The following MRPL48 variants were observed in gnomAD, a reference collection of about 807,000 sequenced individuals.
MRPL48 encodes mitochondrial ribosomal protein L48.
A neutral mutation model predicts 32.9 loss-of-function variants in MRPL48; 16 were observed. The ratio of observed to expected loss-of-function variants is 0.49; its 90% CI spans 0.33 to 0.74. The LOEUF is 0.74. MRPL48 is among the 30% of genes least tolerant of loss of function. The pLI is 0.02. For missense variants in MRPL48, 206 were observed against 245.3 expected, an observed-to-expected ratio of 0.84 and a Z score of 1.07; for synonymous variants, 94 against 89.2, an observed-to-expected ratio of 1.05 and a Z score of -0.31.
intron 4 of MRPL48, among the ~76,000 whole-genome samples, chr11:73,833,474 T>C (rs1948032583): frequency 6.6e-6 from 1 of 152,024 alleles, no homozygotes; most frequent in African/African-American, 2.4e-5. Flanking sequence ...TTATCTCAGA[T>C]CCTTGCAAGC....
intron 3 of MRPL48, among the ~76,000 whole-genome samples, chr11:73,812,752 A>AT (rs1371868346): frequency 6.9e-6 from 1 of 145,980 alleles, no homozygotes; most frequent in Non-Finnish European, 1.5e-5. Flanking sequence ...TTATTTATTT[A>AT]TTTTTTATTG....
chr11:73,855,989 G>A (rs1184642289), intron 5 of MRPL48, among the ~76,000 whole-genome samples: 1 of 152,142 alleles, frequency 6.6e-6, no homozygotes, highest in Non-Finnish European at 1.5e-5. Context: ...GCTTTGTAAG[G>A]CAAGGACTAT....
chr11:73,810,597 A>C (rs1947549505), intron 3 of MRPL48, among the ~76,000 whole-genome samples: 1 of 149,572 alleles, frequency 6.7e-6, no homozygotes, highest in Non-Finnish European at 1.5e-5. Context: ...TCTGGGTTAC[A>C]TGTGCAGAAC....
At chr11:73,792,728 G>C (rs974587530) in intron 1 of MRPL48, among the ~76,000 whole-genome samples, 1 of 152,118 alleles carries the variant, frequency 6.6e-6, no homozygotes, top group African/African-American at 2.4e-5. Flanking sequence ...TTTCTATTTT[G>C]TTAATGGTTT....
At chr11:73,827,423 C>T (rs1467998151) in intron 4 of MRPL48, among the ~76,000 whole-genome samples, 1 of 152,102 alleles carries the variant, frequency 6.6e-6, no homozygotes, top group Non-Finnish European at 1.5e-5. Flanking sequence ...TTCTTGAATC[C>T]TTTATCACAG....
intron 3 of MRPL48, among the ~76,000 whole-genome samples, chr11:73,815,278 T>C (rs1186693818): frequency 1.3e-5 from 2 of 151,792 alleles, no homozygotes; most frequent in Non-Finnish European, 2.9e-5. Flanking sequence ...TAGCCGGGCG[T>C]GGTGGTGCTC....
intron 6 of MRPL48, chr11:73,860,239 A>T (rs1363997628): frequency 4.8e-6 from 2 of 414,896 alleles, no homozygotes; most frequent in Admixed American, 7.7e-5. Flanking sequence ...CCCCAGATGT[A>T]TATATCTCCA....
At chr11:73,846,300 T>G (rs1206956461) in intron 5 of MRPL48, among the ~76,000 whole-genome samples, 1 of 151,992 alleles carries the variant, frequency 6.6e-6, no homozygotes, top group Non-Finnish European at 1.5e-5. Context: ...TGGTAGCATA[T>G]GTCAGAATTT....
At chr11:73,818,873 G>A (rs1947722745) in intron 3 of MRPL48, among the ~76,000 whole-genome samples, 1 of 152,220 alleles carries the variant, frequency 6.6e-6, no homozygotes, top group Non-Finnish European at 1.5e-5. Flanking sequence ...GGGGAATGCT[G>A]TGGGAAATGT....
chr11:73,817,106 A>G (rs1326462205), intron 3 of MRPL48, among the ~76,000 whole-genome samples: 1 of 152,070 alleles, frequency 6.6e-6, no homozygotes, highest in Non-Finnish European at 1.5e-5. Flanking sequence ...TGCTGGGTTC[A>G]CAGGCATGAG....
In MRPL48 at chr11:73,845,982, C is replaced by T. The variant is rs566765196; in HGVS notation, c.371+1006C>T. Among the ~76,000 whole-genome samples, 448 of 146,784 alleles carry T rather than the reference C, an allele frequency of 3.1e-3. 5 individuals carry two copies. The highest frequency in any genetic ancestry group is 0.011 in the African/African-American group (437 of 39,696). Reference sequence around the variant, plus strand: ...ACTTGCGAGGCTGAGGCAGGAGAATCGCTTGAATCCAGGAAGTGGAGGTTG... The same window carrying T: ...ACTTGCGAGGCTGAGGCAGGAGAATTGCTTGAATCCAGGAAGTGGAGGTTG... On this transcript the variant is annotated intron_variant, in intron 5 of 7. Transcript: ENST00000310614.
chr11:73,819,001 G>A (rs949443566), intron 3 of MRPL48, among the ~76,000 whole-genome samples: 36 of 152,210 alleles, frequency 2.4e-4, no homozygotes, highest in Admixed American at 2.0e-3. Context: ...TCAGGAGGCT[G>A]CAATGTTAAT....
At chr11:73,797,040 T>C (rs900581319) in intron 1 of MRPL48, among the ~76,000 whole-genome samples, 1 of 151,786 alleles carries the variant, frequency 6.6e-6, no homozygotes, top group Non-Finnish European at 1.5e-5. Flanking sequence ...CCAGCCTGGG[T>C]GAAAAGAGTG....
intron 1 of MRPL48, 90 bp from the exon 2 acceptor site, chr11:73,804,937 G>A (rs1451648060): frequency 1.6e-6 from 2 of 1,226,156 alleles, no homozygotes; most frequent in South Asian, 1.4e-5. Context: ...TTTCTGGTTT[G>A]TGTACTGTGG....
chr11:73,817,580 T>C (rs1193489073), intron 3 of MRPL48, among the ~76,000 whole-genome samples: 1 of 152,190 alleles, frequency 6.6e-6, no homozygotes, highest in African/African-American at 2.4e-5. Context: ...TTCATGTCTT[T>C]GATTACTAGT....
chr11:73,791,014 T>C (rs1448469933), intron 1 of MRPL48, among the ~76,000 whole-genome samples: 2 of 151,398 alleles, frequency 1.3e-5, no homozygotes, highest in East Asian at 3.9e-4. Flanking sequence ...GCCTCCTGAG[T>C]TGCTGGGACT....
chr11:73,831,633 C>T (rs954027450), intron 4 of MRPL48, among the ~76,000 whole-genome samples: 3 of 151,776 alleles, frequency 2.0e-5, no homozygotes, highest in African/African-American at 7.3e-5. Context: ...TTTGGAGTGA[C>T]TTATATTTCA....
intron 3 of MRPL48, among the ~76,000 whole-genome samples, chr11:73,815,244 C>T (rs1171246418): frequency 2.0e-5 from 3 of 151,634 alleles, no homozygotes; most frequent in Non-Finnish European, 4.4e-5. Context: ...GGTGAAACCC[C>T]ATCTCTACTA....
intron 1 of MRPL48, chr11:73,789,484 G>C (rs1025054170): frequency 2.0e-5 from 3 of 152,142 alleles, no homozygotes; most frequent in Non-Finnish European, 2.9e-5. Flanking sequence ...GTCATTATTT[G>C]CCAAATGTAA....
Sources: gnomAD v4.1 joint callset for allele counts (sites outside exome capture counted in the v4.1 genomes callset) on GRCh38, gnomAD v4.1.1 for gene constraint, MANE v1.5 for transcripts, NCBI Gene and HGNC (gene_info 2026-07-23, HGNC 2026-07-21) for gene names.